Variants in GPC4 observed in about 807,000 individuals in gnomAD.
GPC4 encodes glypican 4.
A neutral mutation model predicts 35.0 loss-of-function variants in GPC4; 10 were observed. The observed-to-expected ratio is 0.29, with a 90% CI of 0.18 to 0.48. The LOEUF is 0.48. Ranked by LOEUF, GPC4 falls within the 20% of genes least tolerant of loss-of-function variation. The probability of loss-of-function intolerance (pLI) is 0.99; values close to 1 mark genes in which losing one functional copy is unlikely to be tolerated. For synonymous variants in GPC4, 167 were observed against 170.2 expected (o/e 0.98, Z 0.15); for missense variants, 322 against 451.3 (o/e 0.71, Z 2.60).
intron 1 of GPC4, among the ~76,000 whole-genome samples, chrX:133,379,292 G>A (rs1273855407): frequency 1.8e-5 from 2 of 112,227 alleles, no homozygotes; most frequent in African/African-American, 3.2e-5. Flanking sequence ...AGTAGATTAC[G>A]CTAAGTGAAA....
intron 1 of GPC4, among the ~76,000 whole-genome samples, chrX:133,365,411 C>T (rs1014057928): frequency 2.7e-5 from 3 of 111,785 alleles, no homozygotes; most frequent in Non-Finnish European, 5.6e-5. Context: ...TAAAAATGAG[C>T]ACATTCTCTG....
intron 1 of GPC4, among the ~76,000 whole-genome samples, chrX:133,398,506 G>A (rs1480320511): frequency 3.6e-5 from 4 of 111,821 alleles, no homozygotes; most frequent in South Asian, 3.7e-4. Flanking sequence ...CGTGGCTCAC[G>A]CCTGTAATCC....
chrX:133,411,102 T>C lies in GPC4; in HGVS notation c.160+3704A>G, dbSNP rs144483561. Among the ~76,000 whole-genome samples, 744 of 112,696 alleles carry C rather than the reference T, an allele frequency of 6.6e-3. 8 individuals carry two copies. Among genetic ancestry groups the C allele is most frequent in the African/African-American group, 0.022 (688 of 31,058 alleles). Reference sequence around the variant, plus strand: ...CTCCAACACACATACACACGTACTTTTTTTCCACGTAGTCATAACAGCTTA... The same window carrying C: ...CTCCAACACACATACACACGTACTTCTTTTCCACGTAGTCATAACAGCTTA... On this transcript the variant is annotated intron_variant, in intron 1 of 8. Coordinates refer to ENST00000370828, the MANE Select transcript of GPC4 (RefSeq NM_001448.3).
At chrX:133,314,477 C>T (rs1422004444) in intron 3 of GPC4, among the ~76,000 whole-genome samples, 1 of 111,410 alleles carries the variant, frequency 9.0e-6, no homozygotes. Flanking sequence ...AGAGTTCTTC[C>T]ATTTCATTAT....
intron 1 of GPC4, among the ~76,000 whole-genome samples, chrX:133,382,590 G>C (rs980043488): frequency 1.0e-4 from 11 of 108,492 alleles, no homozygotes; most frequent in African/African-American, 3.4e-4. Context: ...TTAGCCAGGC[G>C]TGGTGGCGGG....
At chrX:133,391,762 C>T (rs765356374) in intron 1 of GPC4, among the ~76,000 whole-genome samples, 60 of 111,429 alleles carry the variant, frequency 5.4e-4, no homozygotes, top group Non-Finnish European at 9.2e-4. Flanking sequence ...GGGCAGCTGA[C>T]GTTATTGCAG....
chrX:133,307,209 G>A (rs1216640069), intron 4 of GPC4, among the ~76,000 whole-genome samples: 1 of 111,830 alleles, frequency 8.9e-6, no homozygotes, highest in Non-Finnish European at 1.9e-5. Context: ...TTACTTGAAA[G>A]AAGAGCTAGT....
At chrX:133,339,469 C>A (rs761922198) in intron 1 of GPC4, 128 bp from the exon 2 acceptor site, 2 of 501,000 alleles carry the variant, frequency 4.0e-6, no homozygotes, top group Admixed American at 8.6e-5. Flanking sequence ...GTGTATCTAA[C>A]AAGTTCCAGG....
At chrX:133,327,636 A>AGTGTGTGTGTGTGTGT (rs557359106) in intron 2 of GPC4, among the ~76,000 whole-genome samples, 66 of 83,278 alleles carry the variant, frequency 7.9e-4, no homozygotes, top group African/African-American at 2.8e-3. Flanking sequence ...TGTCCAGGAA[A>AGTGTGTGTGTGTGTGT]GTGTGTGTGT....
chrX:133,399,033 C>T (rs1160904555), intron 1 of GPC4, among the ~76,000 whole-genome samples: 1 of 111,275 alleles, frequency 9.0e-6, no homozygotes, highest in East Asian at 2.8e-4. Context: ...CCTGCCCACT[C>T]GGTCACCATT....
At chrX:133,368,643 CATT>C (rs758881965) in intron 1 of GPC4, among the ~76,000 whole-genome samples, 2 of 109,864 alleles carry the variant, frequency 1.8e-5, no homozygotes, top group Non-Finnish European at 3.8e-5. Context: ...CATTGAGTAA[CATT>C]ATTATTATTA....
intron 1 of GPC4, among the ~76,000 whole-genome samples, chrX:133,348,411 C>T (rs2068502582): frequency 8.9e-6 from 1 of 112,166 alleles, no homozygotes. Context: ...TAGTGATTAA[C>T]CCAAAACTCT....
chrX:133,337,612 T>C (rs939387939), intron 2 of GPC4, among the ~76,000 whole-genome samples: 1 of 111,760 alleles, frequency 8.9e-6, no homozygotes, highest in African/African-American at 3.3e-5. Context: ...GTGGTGATTT[T>C]TAAATATCAA....
intron 3 of GPC4, among the ~76,000 whole-genome samples, chrX:133,319,702 A>T (rs763924845): frequency 1.4e-4 from 16 of 110,905 alleles, no homozygotes; most frequent in East Asian, 2.8e-4. Context: ...CATATATATA[A>T]AAAACATTAC....
At chrX:133,406,747 CA>C (rs56973194) in intron 1 of GPC4, among the ~76,000 whole-genome samples, 924 of 38,299 alleles carry the variant, frequency 0.024, 22 homozygotes, top group African/African-American at 0.075. Context: ...GACTTCGTCT[CA>C]AAAAAAAAAA....
In GPC4 at chrX:133,304,871, AAAC is replaced by A. The variant is rs760386176; in HGVS notation, c.1156-13_1156-11del. ...CCTTGACATCAGTAACCTAATTATG[AAAC>A]AACAACAACAAAAAAAGATCATTGT... is the stretch of plus-strand genomic sequence containing the variant. On this transcript the variant is annotated splice_polypyrimidine_tract_variant and intron_variant, in intron 6 of 8. Coordinates refer to ENST00000370828, the MANE Select transcript of GPC4 (RefSeq NM_001448.3). The A allele has an allele frequency of 6.6e-6, 8 of 1,206,422 alleles. No homozygotes were observed. The Admixed American group carries it at 8.7e-5, about 13-fold the overall frequency.
At position 133,302,291 on chromosome X, in the gene GPC4, T is replaced by C. The variant is rs192901084; in HGVS notation, c.*576A>G. 1 of 112,193 alleles carries C rather than the reference T, an allele frequency of 8.9e-6. No individual in the cohort carries two copies. Among genetic ancestry groups the C allele is most frequent in the East Asian group, 2.8e-4 (1 of 3,555 alleles). The allele number at this position is 112,193 out of a possible 1,213,427, so 9.2% of individuals were successfully genotyped here. A position where few individuals can be genotyped will look rare whatever the true frequency, so the allele number is the denominator to read the frequency against. ...TCAGAAGCCTGCTTGTGCCCTCACATTCTGTCTTAATAATAATTTAAAAAA... is the reference window on the plus strand; with the variant it reads ...TCAGAAGCCTGCTTGTGCCCTCACACTCTGTCTTAATAATAATTTAAAAAA... On this transcript the variant is annotated 3_prime_UTR_variant, in exon 9 of 9. Coordinates refer to ENST00000370828, the MANE Select transcript of GPC4 (RefSeq NM_001448.3).
In GPC4 at chrX:133,306,256, T is replaced by TG. The variant is rs1244348660; in HGVS notation, c.878-103dup. On this transcript the variant is annotated intron_variant, in intron 4 of 8. Coordinates refer to ENST00000370828, the MANE Select transcript of GPC4 (RefSeq NM_001448.3). ...TTTTTTTTTCTGTCTGTTTCCTGCATGGGGGCAGGGGAAGTAAGGCATGGA... is the reference window on the plus strand; with the variant it reads ...TTTTTTTTTCTGTCTGTTTCCTGCATGGGGGGCAGGGGAAGTAAGGCATGGA... 5.5e-6 allele frequency: 5 copies of TG among 906,541 alleles called. No homozygotes were observed. In the African/African-American group the frequency reaches 7.9e-5, roughly 14 times the overall value. The allele number at this position is 906,541 out of a possible 1,213,427, so 74.7% of individuals were successfully genotyped here.
intron 2 of GPC4, among the ~76,000 whole-genome samples, chrX:133,324,910 T>C (rs1341539815): frequency 8.9e-6 from 1 of 111,979 alleles, no homozygotes; most frequent in Non-Finnish European, 1.9e-5. Context: ...ACATGAGATT[T>C]CCCTCAACTT....
Sources: allele counts gnomAD v4.1 joint callset (sites outside exome capture counted in the v4.1 genomes callset), GRCh38; gene constraint gnomAD v4.1.1; transcripts MANE v1.5; gene names NCBI Gene and HGNC (gene_info 2026-07-23, HGNC 2026-07-21).